PHACTR1: variants seen among roughly 807,000 people sequenced by gnomAD.
The protein encoded by PHACTR1 is phosphatase and actin regulator 1.
In PHACTR1, 16 loss-of-function variants were observed where a neutral mutation model predicts 69.2. That is an observed-to-expected ratio of 0.23 (90% CI 0.16 to 0.35). The LOEUF (loss-of-function observed/expected upper bound fraction) is 0.35, where lower values mean the gene tolerates loss of function less well. Ranked by LOEUF, PHACTR1 falls within the 10% of genes least tolerant of loss-of-function variation. The pLI, the probability that PHACTR1 is intolerant of heterozygous loss-of-function variation, is 1.00. For synonymous variants in PHACTR1, 312 were observed against 284.5 expected (o/e 1.10, Z -0.97); for missense variants, 510 against 734.7 (o/e 0.69, Z 3.54).
At chr6:13,259,249 C>G (rs973620881) in intron 10 of PHACTR1, among the ~76,000 whole-genome samples, 1 of 152,178 alleles carries the variant, frequency 6.6e-6, no homozygotes, top group African/African-American at 2.4e-5. Flanking sequence ...GGGTTTATGT[C>G]CAATAATCCT....
chr6:12,850,120 CT>C (rs1779680066), intron 4 of PHACTR1, among the ~76,000 whole-genome samples: 1 of 152,170 alleles, frequency 6.6e-6, no homozygotes, highest in South Asian at 2.1e-4. Context: ...GTCATGAATT[CT>C]TTTTTCCCTC....
chr6:13,072,674 C>T (rs754580935), intron 5 of PHACTR1, among the ~76,000 whole-genome samples: 11 of 152,166 alleles, frequency 7.2e-5, no homozygotes, highest in Non-Finnish European at 1.3e-4. Context: ...TTGCCACAAA[C>T]ATGTATGTGT....
chr6:13,267,835 T>G (rs1293082390), intron 10 of PHACTR1: 2 of 80,964 alleles, frequency 2.5e-5, no homozygotes, highest in African/African-American at 6.7e-5. Context: ...CCAGGAATGA[T>G]CTGAAAAAAA....
At chr6:12,923,680 A>C (rs1192593815) in intron 4 of PHACTR1, among the ~76,000 whole-genome samples, 2 of 152,156 alleles carry the variant, frequency 1.3e-5, no homozygotes, top group Non-Finnish European at 2.9e-5. Context: ...CTAGTTTTGC[A>C]GTTCTCCCCC....
chr6:12,971,081 T>C (rs984283772), intron 4 of PHACTR1, among the ~76,000 whole-genome samples: 2 of 152,184 alleles, frequency 1.3e-5, no homozygotes, highest in Non-Finnish European at 2.9e-5. Context: ...CTGTTATTCA[T>C]TGCAATACCC....
chr6:12,850,713 T>G (rs1390167740), intron 4 of PHACTR1, among the ~76,000 whole-genome samples: 1 of 152,196 alleles, frequency 6.6e-6, no homozygotes, highest in Non-Finnish European at 1.5e-5. Context: ...TCTTCCAGCT[T>G]CTGATGTTTG....
At chr6:13,172,667 T>C (rs1238430161) in intron 6 of PHACTR1, among the ~76,000 whole-genome samples, 6 of 152,220 alleles carry the variant, frequency 3.9e-5, no homozygotes, top group Middle Eastern at 3.2e-3. Flanking sequence ...TTTAATGTTT[T>C]AGGCAAAGGC....
intron 6 of PHACTR1, among the ~76,000 whole-genome samples, chr6:13,173,664 G>A (rs1220666729): frequency 1.3e-5 from 2 of 152,172 alleles, no homozygotes; most frequent in Middle Eastern, 3.2e-3. Context: ...AGGTTGTTGG[G>A]ATTAACAGAA....
At chr6:12,814,267 AG>A (rs1368793717) in intron 4 of PHACTR1, among the ~76,000 whole-genome samples, 11 of 152,208 alleles carry the variant, frequency 7.2e-5, no homozygotes, top group African/African-American at 2.7e-4. Context: ...TCCAAAGATC[AG>A]GGTTCTCCAG....
chr6:13,144,976 A>G (rs1411190376), intron 5 of PHACTR1, among the ~76,000 whole-genome samples: 2 of 152,224 alleles, frequency 1.3e-5, no homozygotes, highest in Non-Finnish European at 2.9e-5. Context: ...CAATTCAAAC[A>G]TATATAAACA....
chr6:12,948,201 C>G (rs1319562812), intron 4 of PHACTR1, among the ~76,000 whole-genome samples: 1 of 152,218 alleles, frequency 6.6e-6, no homozygotes, highest in African/African-American at 2.4e-5. Context: ...TTGAAAACAC[C>G]TAGTGTCAAG....
chr6:13,172,787 C>G (rs1760798982), intron 6 of PHACTR1, among the ~76,000 whole-genome samples: 1 of 152,130 alleles, frequency 6.6e-6, no homozygotes, highest in Non-Finnish European at 1.5e-5. Flanking sequence ...AAACAGGTAC[C>G]ATTTCATTCC....
chr6:12,741,741 A>G (rs1193835457), intron 3 of PHACTR1, among the ~76,000 whole-genome samples: 1 of 149,186 alleles, frequency 6.7e-6, no homozygotes, highest in Non-Finnish European at 1.5e-5. Context: ...ATTTTCATAT[A>G]CATGTTAGAA....
intron 4 of PHACTR1, among the ~76,000 whole-genome samples, chr6:12,783,272 T>C (rs1324141862): frequency 6.6e-6 from 1 of 152,254 alleles, no homozygotes; most frequent in Non-Finnish European, 1.5e-5. Context: ...AGGCACATAC[T>C]GTGTTTGCTG....
intron 4 of PHACTR1, among the ~76,000 whole-genome samples, chr6:12,995,310 C>A (rs1189492974): frequency 6.7e-6 from 1 of 148,678 alleles, no homozygotes. Flanking sequence ...AAGAATAGAA[C>A]CCCATCAGTC....
chr6:13,076,025 A>ATTTTTTTTTTTTTTTTTTTT (rs1449439163), intron 5 of PHACTR1, among the ~76,000 whole-genome samples: 4 of 115,550 alleles, frequency 3.5e-5, no homozygotes, highest in African/African-American at 3.0e-5. Context: ...GCAAGGGAGC[A>ATTTTTTTTTTTTTTTTTTTT]TCTTTTTTTT....
At position 13,016,828 on chromosome 6, in the gene PHACTR1, A is replaced by G. The variant is rs113149659; in HGVS notation, c.251-36537A>G. On this transcript the variant is annotated intron_variant, in intron 4 of 14. Coordinates refer to ENST00000332995, the MANE Select transcript of PHACTR1 (RefSeq NM_030948.6). ...TTTTCAGGTGAGGAAACAAGCTTAC[A>G]TAGGAAAGCCACAGAGTAAATACAG... Among the ~76,000 whole-genome samples, 1,336 of 152,314 alleles carry G rather than the reference A, an allele frequency of 8.8e-3. 24 individuals are homozygous for G. The highest frequency in any genetic ancestry group is 0.031 in the African/African-American group (1,277 of 41,556).
intron 4 of PHACTR1, among the ~76,000 whole-genome samples, chr6:12,966,010 G>C (rs1291098447): frequency 3.3e-5 from 5 of 152,178 alleles, no homozygotes; most frequent in Admixed American, 6.5e-5. Context: ...GAATGGAAGA[G>C]AGGAGGCAAA....
At chr6:12,808,763 TCTTCTTCTC>T (rs1252096194) in intron 4 of PHACTR1, among the ~76,000 whole-genome samples, 5 of 136,822 alleles carry the variant, frequency 3.7e-5, no homozygotes, top group East Asian at 1.9e-4. Context: ...TTCCTCTTCT[TCTTCTTCTC>T]CTTCTCCTTC....
Sources: allele counts gnomAD v4.1 joint callset (sites outside exome capture counted in the v4.1 genomes callset), GRCh38; gene constraint gnomAD v4.1.1; transcripts MANE v1.5; gene names NCBI Gene and HGNC (gene_info 2026-07-23, HGNC 2026-07-21).